NPLOC4: variants seen among roughly 807,000 people sequenced by gnomAD.
NPLOC4 encodes NPL4 homolog, ubiquitin recognition factor.
A neutral mutation model predicts 80.6 loss-of-function variants in NPLOC4; 18 were observed. The ratio of observed to expected loss-of-function variants is 0.22; its 90% confidence interval spans 0.15 to 0.33. NPLOC4 has a LOEUF of 0.33. Ranked by LOEUF, NPLOC4 falls within the 10% of genes least tolerant of loss-of-function variation. The pLI is 1.00. For synonymous variants in NPLOC4, 313 were observed against 301.5 expected (o/e 1.04, Z -0.39); for missense variants, 540 against 786.1 (o/e 0.69, Z 3.74).
intron 15 of NPLOC4, chr17:81,566,658 T>C (rs1355192884): frequency 6.6e-6 from 1 of 152,294 alleles, no homozygotes; most frequent in Non-Finnish European, 1.5e-5. Flanking sequence ...AGAACAGCTA[T>C]AGGCTTCCTG....
chr17:81,597,467 A>G (rs2034943044), intron 9 of NPLOC4, 151 bp from the exon 10 acceptor site: 5 of 610,862 alleles, frequency 8.2e-6, no homozygotes, highest in East Asian at 2.9e-5. Flanking sequence ...TGGCCAATAC[A>G]GTGAAACCCC....
At chr17:81,566,285 T>C (rs3935539) in intron 15 of NPLOC4, 17,340 of 152,222 alleles carry the variant, frequency 0.11, 1,214 homozygotes, top group Non-Finnish European at 0.15. Context: ...TAAGCCAAGA[T>C]TGCGCCAATG....
At chr17:81,566,331 T>TA (rs904436483) in intron 15 of NPLOC4, 29 of 151,578 alleles carry the variant, frequency 1.9e-4, no homozygotes, top group African/African-American at 4.4e-4. Context: ...GACTCCGTCT[T>TA]AAAAAAAAAT....
chr17:81,635,697 G>A (rs1055490433), intron 1 of NPLOC4, among the ~76,000 whole-genome samples: 8 of 152,090 alleles, frequency 5.3e-5, no homozygotes, highest in Admixed American at 4.6e-4. Context: ...GTGAGTCACC[G>A]CGCCGGGCCT....
chr17:81,591,912 T>C (rs550652717), intron 11 of NPLOC4, among the ~76,000 whole-genome samples: 1 of 152,360 alleles, frequency 6.6e-6, no homozygotes, highest in East Asian at 1.9e-4. Flanking sequence ...ATGTAGAGTA[T>C]GCTAGACTAT....
At chr17:81,621,371 C>A (rs1426203629) in intron 3 of NPLOC4, among the ~76,000 whole-genome samples, 1 of 152,194 alleles carries the variant, frequency 6.6e-6, no homozygotes, top group Non-Finnish European at 1.5e-5. Flanking sequence ...AGTGCAAAAC[C>A]AGCCCATCAT....
intron 3 of NPLOC4, among the ~76,000 whole-genome samples, chr17:81,621,669 G>A (rs1198238246): frequency 6.6e-6 from 1 of 152,136 alleles, no homozygotes; most frequent in Non-Finnish European, 1.5e-5. Flanking sequence ...CCAACAACAC[G>A]ACCTGGCTGT....
At chr17:81,592,263 C>A (rs1029225453) in intron 11 of NPLOC4, among the ~76,000 whole-genome samples, 2 of 152,186 alleles carry the variant, frequency 1.3e-5, no homozygotes, top group Admixed American at 6.5e-5. Flanking sequence ...GCTATGGGGT[C>A]CCCGCATGGC....
At chr17:81,576,407 C>A (rs1308608988) in intron 12 of NPLOC4, among the ~76,000 whole-genome samples, 1 of 152,152 alleles carries the variant, frequency 6.6e-6, no homozygotes, top group African/African-American at 2.4e-5. Context: ...CTAGGAAACT[C>A]ATGTATACGG....
chr17:81,624,069 C>G (rs1412700300), intron 2 of NPLOC4, among the ~76,000 whole-genome samples: 1 of 151,944 alleles, frequency 6.6e-6, no homozygotes, highest in Non-Finnish European at 1.5e-5. Context: ...TGGATCACTT[C>G]AAGTCAGGAG....
At chr17:81,571,548 G>T (rs1440209446) in intron 13 of NPLOC4, among the ~76,000 whole-genome samples, 1 of 152,220 alleles carries the variant, frequency 6.6e-6, no homozygotes, top group Admixed American at 6.5e-5. Context: ...GAGTGACCCA[G>T]ACACACTGTG....
intron 7 of NPLOC4, among the ~76,000 whole-genome samples, chr17:81,605,197 C>T (rs533751893): frequency 4.0e-5 from 6 of 151,038 alleles, no homozygotes; most frequent in East Asian, 1.9e-4. Context: ...AGGAGAATGG[C>T]GTGAACCCGG....
At chr17:81,632,947 G>A (rs1180567770) in intron 1 of NPLOC4, among the ~76,000 whole-genome samples, 1 of 151,832 alleles carries the variant, frequency 6.6e-6, no homozygotes, top group Non-Finnish European at 1.5e-5. Flanking sequence ...TGGCTAACAC[G>A]GTGAAACCCC....
intron 2 of NPLOC4, among the ~76,000 whole-genome samples, chr17:81,626,808 A>C (rs2035807244): frequency 3.9e-5 from 6 of 152,064 alleles, no homozygotes; most frequent in Admixed American, 3.9e-4. Context: ...TTTAAAATGG[A>C]CTGGGTGAGG....
intron 1 of NPLOC4, among the ~76,000 whole-genome samples, chr17:81,631,419 T>TAC (rs1252732449): frequency 3.3e-4 from 20 of 59,876 alleles, no homozygotes; most frequent in African/African-American, 2.1e-3. Context: ...TATTAAAGTG[T>TAC]ACATATATAT....
At chr17:81,565,853 T>C (rs1207981053) in intron 15 of NPLOC4, among the ~76,000 whole-genome samples, 2 of 152,260 alleles carry the variant, frequency 1.3e-5, no homozygotes, top group African/African-American at 4.8e-5. Context: ...TGCCTTGTGC[T>C]GACGGTGCTC....
chr17:81,608,881 G>A, intron 5 of NPLOC4, 59 bp from the exon 6 acceptor site: 1 of 1,371,738 alleles, frequency 7.3e-7, no homozygotes, highest in Non-Finnish European at 1.0e-6. Flanking sequence ...TCCAGGCGCT[G>A]AGCCTCTGCT....
chr17:81,634,766 G>C (rs538939940), intron 1 of NPLOC4, among the ~76,000 whole-genome samples: 16 of 151,966 alleles, frequency 1.1e-4, no homozygotes, highest in Admixed American at 5.9e-4. Flanking sequence ...TTTATTTTTA[G>C]TAGAGACAGG....
At chr17:81,620,946 C>T (rs1326946267) in intron 3 of NPLOC4, among the ~76,000 whole-genome samples, 2 of 151,856 alleles carry the variant, frequency 1.3e-5, no homozygotes, top group Non-Finnish European at 2.9e-5. Context: ...TCACTTGAGC[C>T]CAGAAGGTCG....
Sources: allele counts gnomAD v4.1 joint callset (sites outside exome capture counted in the v4.1 genomes callset), GRCh38; gene constraint gnomAD v4.1.1; transcripts MANE v1.5; gene names NCBI Gene and HGNC (gene_info 2026-07-23, HGNC 2026-07-21).